Variants in SUGCT observed in about 807,000 individuals in gnomAD.
The protein encoded by SUGCT is succinyl-CoA:glutarate-CoA transferase, also known as succinyl-CoA:glutarate CoA-transferase.
Under a neutral mutation model 55.0 loss-of-function variants are expected in SUGCT, and 41 were observed. The observed-to-expected ratio is 0.74, with a 90% CI of 0.58 to 0.97. The LOEUF is 0.97. SUGCT is among the 50% of genes least tolerant of loss of function. SUGCT has a pLI of 0.00. For synonymous variants in SUGCT, 187 were observed against 200.4 expected (o/e 0.93, Z 0.56); for missense variants, 568 against 547.8 (o/e 1.04, Z -0.37).
intron 7 of SUGCT, among the ~76,000 whole-genome samples, chr7:40,239,144 T>C (rs1789198791): frequency 6.6e-6 from 1 of 152,014 alleles, no homozygotes; most frequent in African/African-American, 2.4e-5. Context: ...CAGGCTGGAG[T>C]GCAGCCTCCG....
the SUGCT span, among the ~76,000 whole-genome samples, chr7:40,889,549 C>A: frequency 6.6e-6 from 1 of 152,120 alleles, no homozygotes; most frequent in African/African-American, 2.4e-5. Flanking sequence ...AGAACACATG[C>A]TCAGACCCCC....
At chr7:40,764,084 C>A (rs150252819) in intron 13 of SUGCT, among the ~76,000 whole-genome samples, 1 of 151,972 alleles carries the variant, frequency 6.6e-6, no homozygotes, top group Non-Finnish European at 1.5e-5. Context: ...ACAGAAAGCA[C>A]CCCCACCAAA....
the SUGCT span, among the ~76,000 whole-genome samples, chr7:40,957,216 G>T: frequency 1.3e-5 from 2 of 151,974 alleles, no homozygotes; most frequent in African/African-American, 4.8e-5. Context: ...TTGACAGTGG[G>T]GTGTAAAATT....
intron 12 of SUGCT, among the ~76,000 whole-genome samples, chr7:40,653,457 T>A (rs1330184561): frequency 6.6e-6 from 1 of 152,230 alleles, no homozygotes; most frequent in Non-Finnish European, 1.5e-5. Context: ...ATGAATTTAT[T>A]GTCCATTACT....
At chr7:40,774,517 C>T (rs1320144952) in intron 13 of SUGCT, among the ~76,000 whole-genome samples, 2 of 152,092 alleles carry the variant, frequency 1.3e-5, no homozygotes, top group East Asian at 3.9e-4. Flanking sequence ...TGGGAGATTG[C>T]TGATTGTGTT....
intron 13 of SUGCT, among the ~76,000 whole-genome samples, chr7:40,856,048 T>C (rs1156990428): frequency 6.6e-6 from 1 of 152,202 alleles, no homozygotes; most frequent in African/African-American, 2.4e-5. Flanking sequence ...TCTGTGTCTC[T>C]CATAATCACT....
intron 12 of SUGCT, among the ~76,000 whole-genome samples, chr7:40,645,470 A>G (rs1800455377): frequency 6.6e-6 from 1 of 152,196 alleles, no homozygotes; most frequent in African/African-American, 2.4e-5. Context: ...ACACCACATG[A>G]GCAATATCTA....
chr7:40,534,066 G>C (rs1794231628), intron 12 of SUGCT, among the ~76,000 whole-genome samples: 1 of 151,992 alleles, frequency 6.6e-6, no homozygotes, highest in South Asian at 2.1e-4. Flanking sequence ...GCTTAGGATT[G>C]GCATAAATTT....
At chr7:40,914,267 T>TTTTTC in the SUGCT span, among the ~76,000 whole-genome samples, 1 of 137,518 alleles carries the variant, frequency 7.3e-6, no homozygotes, top group Middle Eastern at 3.2e-3. Context: ...TTTATTTATT[T>TTTTTC]TTTTCTTTTT....
intron 8 of SUGCT, among the ~76,000 whole-genome samples, chr7:40,280,268 T>C (rs1792865317): frequency 6.6e-6 from 1 of 152,206 alleles, no homozygotes; most frequent in Non-Finnish European, 1.5e-5. Context: ...AAAAATTCTT[T>C]TGATTTTTTT....
chr7:40,709,665 A>G (rs1785604756), intron 12 of SUGCT, among the ~76,000 whole-genome samples: 1 of 152,238 alleles, frequency 6.6e-6, no homozygotes, highest in Admixed American at 6.5e-5. Flanking sequence ...CCAAGCAGCC[A>G]GAGTACAAGT....
chr7:40,554,113 A>G (rs758470402), intron 12 of SUGCT, among the ~76,000 whole-genome samples: 1 of 152,248 alleles, frequency 6.6e-6, no homozygotes, highest in Non-Finnish European at 1.5e-5. Flanking sequence ...TAGGCAATGC[A>G]TTTAATTCTT....
intron 13 of SUGCT, among the ~76,000 whole-genome samples, chr7:40,841,491 G>T (rs1793279376): frequency 6.6e-6 from 1 of 152,120 alleles, no homozygotes; most frequent in Admixed American, 6.5e-5. Flanking sequence ...CACAGGGAAT[G>T]TTTCAGTTAC....
chr7:40,215,195 T>G (rs981770230), intron 6 of SUGCT, among the ~76,000 whole-genome samples: 1 of 152,096 alleles, frequency 6.6e-6, no homozygotes, highest in South Asian at 2.1e-4. Context: ...CAGGATGGAG[T>G]GCAGTGGAGC....
chr7:40,767,690 CAA>C (rs968004712), intron 13 of SUGCT, among the ~76,000 whole-genome samples: 6 of 152,130 alleles, frequency 3.9e-5, no homozygotes, highest in South Asian at 2.1e-4. Context: ...AGGCAGTGGA[CAA>C]AACACACAGA....
intron 7 of SUGCT, among the ~76,000 whole-genome samples, chr7:40,263,628 A>G (rs1791369963): frequency 6.6e-6 from 1 of 152,210 alleles, no homozygotes; most frequent in South Asian, 2.1e-4. Context: ...ATTTGACTAT[A>G]TGATATTATG....
chr7:40,185,458 C>T (rs1309832482), intron 3 of SUGCT, among the ~76,000 whole-genome samples: 1 of 152,144 alleles, frequency 6.6e-6, no homozygotes. Context: ...CTTTCTTTGT[C>T]TAGGCCTTTA....
At position 40,188,528 on chromosome 7, in the gene SUGCT, CTTTTGTTG is replaced by C; in HGVS notation, c.261_268del (p.Phe88AspfsTer10). On this transcript the variant is annotated frameshift_variant, in exon 4 of 14. Transcript: ENST00000335693. LOFTEE classifies it high-confidence loss of function. ...GATGATACACGAACTTGGGGGCCACCTTTTGTTGGGACAGAAAGTACATATTATCTCAG... is the reference window on the plus strand; with the variant it reads ...GATGATACACGAACTTGGGGGCCACCGGACAGAAAGTACATATTATCTCAG... 1 of 1,609,804 alleles carries C rather than the reference CTTTTGTTG, an allele frequency of 6.2e-7. No individual in the cohort carries two copies. The highest frequency in any genetic ancestry group is 8.5e-7 in the Non-Finnish European group (1 of 1,178,658).
chr7:40,809,951 A>G (rs780304044), intron 13 of SUGCT, among the ~76,000 whole-genome samples: 20 of 152,164 alleles, frequency 1.3e-4, no homozygotes, highest in Non-Finnish European at 2.6e-4. Context: ...GCTGCGAAGT[A>G]CATGATTTCA....
Sources: allele counts gnomAD v4.1 joint callset (sites outside exome capture counted in the v4.1 genomes callset), GRCh38; gene constraint gnomAD v4.1.1; transcripts MANE v1.5; gene names NCBI Gene and HGNC (gene_info 2026-07-23, HGNC 2026-07-21).